Variants in MTHFD2L observed in about 807,000 individuals in gnomAD.
MTHFD2L encodes methylenetetrahydrofolate dehydrogenase (NADP+ dependent) 2 like.
A neutral mutation model predicts 34.9 loss-of-function variants in MTHFD2L; 29 were observed. The ratio of observed to expected loss-of-function variants is 0.83; its 90% CI spans 0.62 to 1.13. MTHFD2L has a LOEUF of 1.13. MTHFD2L is among the 50% of genes most tolerant of loss of function. The pLI, the probability that MTHFD2L is intolerant of heterozygous loss-of-function variation, is 0.00. For synonymous variants in MTHFD2L, 167 were observed against 155.7 expected, an observed-to-expected ratio of 1.07 and a Z score of -0.54; for missense variants, 481 against 446.5, an observed-to-expected ratio of 1.08 and a Z score of -0.70.
At chr4:74,268,231 T>G (rs545316045) in intron 6 of MTHFD2L, 4 of 982,846 alleles carry the variant, frequency 4.1e-6, no homozygotes, top group East Asian at 1.1e-4. Flanking sequence ...ATTTAGCCAT[T>G]ATATTACTGT....
At chr4:74,267,171 A>G (rs940048139) in intron 6 of MTHFD2L, 2 of 985,202 alleles carry the variant, frequency 2.0e-6, no homozygotes, top group African/African-American at 1.7e-5. Flanking sequence ...TGTGAATAAC[A>G]TGACAGTTGG....
intron 6 of MTHFD2L, among the ~76,000 whole-genome samples, chr4:74,231,508 C>T (rs1447972840): frequency 2.0e-5 from 3 of 152,160 alleles, no homozygotes; most frequent in African/African-American, 7.2e-5. Flanking sequence ...CTTTCCATAT[C>T]TCATTTCTTA....
chr4:74,157,723 C>A (rs904456927), upstream of MTHFD2L: 2 of 462,834 alleles, frequency 4.3e-6, no homozygotes, highest in Admixed American at 2.3e-5. Context: ...TGCTTTAAAT[C>A]CAATTCCACG....
intron 6 of MTHFD2L, among the ~76,000 whole-genome samples, chr4:74,233,200 G>A (rs1341047993): frequency 6.6e-6 from 1 of 151,972 alleles, no homozygotes; most frequent in Non-Finnish European, 1.5e-5. Flanking sequence ...CCATTCTCCA[G>A]GCCTGTTACC....
chr4:74,130,448 A>C (rs1031627891), intron 1 of MTHFD2L, among the ~76,000 whole-genome samples: 2 of 152,188 alleles, frequency 1.3e-5, no homozygotes, highest in African/African-American at 4.8e-5. Context: ...CAAAAAAATA[A>C]ATGTAATTCA....
chr4:74,121,179 G>A (rs1721747167), upstream of MTHFD2L, among the ~76,000 whole-genome samples: 1 of 152,156 alleles, frequency 6.6e-6, no homozygotes, highest in East Asian at 1.9e-4. Context: ...AAAGACCCTA[G>A]AACTGGGAAG....
Position 74,199,815 on chromosome 4 carries a change from T to C in MTHFD2L, c.473T>C (p.Ile158Thr), listed in dbSNP as rs2110051287. The C allele has an allele frequency of 2.5e-6, 4 of 1,612,524 alleles. No homozygotes were observed. In the South Asian group the frequency reaches 3.3e-5, roughly 13 times the overall value. The change falls in exon 4 of 8, where the codon ATA (isoleucine) becomes ACA (threonine). Residue 158 changes from isoleucine (I) to threonine (T), a missense_variant. Coordinates refer to ENST00000325278, the MANE Select transcript of MTHFD2L (RefSeq NM_001144978.3). ...TCAGACCACGTTGATGAGCGAACAA[T>C]ATGCAATGGAATTGCCCCAGAAAAA... ...PLPDHVDERT[I>T]CNGIAPEKDV...
chr4:74,122,973 C>A (rs1435137117), upstream of MTHFD2L, among the ~76,000 whole-genome samples: 2 of 152,050 alleles, frequency 1.3e-5, no homozygotes, highest in African/African-American at 4.8e-5. Flanking sequence ...TCAACTTTTC[C>A]ATATAAGTTT....
chr4:74,136,742 A>G (rs1722964641), intron 1 of MTHFD2L, among the ~76,000 whole-genome samples: 1 of 152,186 alleles, frequency 6.6e-6, no homozygotes. Context: ...AGCTATAGTA[A>G]CCAAAACAGT....
chr4:74,225,255 T>C, intron 5 of MTHFD2L, 47 bp from the exon 6 acceptor site: 1 of 1,444,090 alleles, frequency 6.9e-7, no homozygotes, highest in South Asian at 1.2e-5. Flanking sequence ...ATTTATAAAA[T>C]TTTTAAAAGT....
chr4:74,253,047 A>G (rs576064863), intron 6 of MTHFD2L, among the ~76,000 whole-genome samples: 1 of 152,326 alleles, frequency 6.6e-6, no homozygotes, highest in African/African-American at 2.4e-5. Flanking sequence ...ATGTTAGAAG[A>G]TGATAGAGTA....
At chr4:74,143,864 T>C (rs981458) in intron 1 of MTHFD2L, among the ~76,000 whole-genome samples, 51,172 of 152,096 alleles carry the variant, frequency 0.34, 9,420 homozygotes, top group East Asian at 0.73. Context: ...GAGAAACATT[T>C]ATATGAATAT....
At chr4:74,175,476 T>C in intron 3 of MTHFD2L, 73 bp downstream of exon 3, 1 of 1,413,628 alleles carries the variant, frequency 7.1e-7, no homozygotes, top group South Asian at 1.3e-5. Context: ...CATCATATTA[T>C]GATACTGCAA....
chr4:74,155,227 T>G (rs1201435084), upstream of MTHFD2L, among the ~76,000 whole-genome samples: 1 of 152,180 alleles, frequency 6.6e-6, no homozygotes, highest in Non-Finnish European at 1.5e-5. Flanking sequence ...TTGTTTCATA[T>G]AAGTGTAATA....
At chr4:74,180,856 A>T (rs1296572304) in intron 3 of MTHFD2L, 1 of 213,472 alleles carries the variant, frequency 4.7e-6, no homozygotes, top group Non-Finnish European at 1.1e-5. Context: ...ATAAGTGGTC[A>T]CTTTGTCGAG....
At chr4:74,166,176 C>T (rs1726648554) in intron 1 of MTHFD2L, among the ~76,000 whole-genome samples, 1 of 152,186 alleles carries the variant, frequency 6.6e-6, no homozygotes, top group Non-Finnish European at 1.5e-5. Context: ...CTTGAAACAG[C>T]AGAAATCTGT....
chr4:74,262,650 T>C (rs1744818799), intron 6 of MTHFD2L, among the ~76,000 whole-genome samples: 2 of 151,932 alleles, frequency 1.3e-5, no homozygotes, highest in South Asian at 4.1e-4. Context: ...AATCAGACAA[T>C]TGCAAATTAA....
At chr4:74,251,889 C>T (rs1364386826) in intron 6 of MTHFD2L, among the ~76,000 whole-genome samples, 1 of 152,176 alleles carries the variant, frequency 6.6e-6, no homozygotes, top group Non-Finnish European at 1.5e-5. Context: ...AGAGAGGTCT[C>T]TGTAGACTAG....
intron 1 of MTHFD2L, among the ~76,000 whole-genome samples, chr4:74,146,844 T>G (rs1723624037): frequency 6.6e-6 from 1 of 152,132 alleles, no homozygotes; most frequent in Non-Finnish European, 1.5e-5. Context: ...TTCTATTTTC[T>G]TTTTCCTCCT....
Sources: allele counts gnomAD v4.1 joint callset (sites outside exome capture counted in the v4.1 genomes callset), GRCh38; gene constraint gnomAD v4.1.1; transcripts MANE v1.5; gene names NCBI Gene and HGNC (gene_info 2026-07-23, HGNC 2026-07-21).